Variants in USP24 observed in about 807,000 individuals in gnomAD.
USP24 encodes the protein ubiquitin specific peptidase 24, also known as ubiquitin carboxyl-terminal hydrolase 24.
Under a neutral mutation model 361.6 loss-of-function variants are expected in USP24, and 97 were observed. The ratio of observed to expected loss-of-function variants is 0.27; its 90% CI spans 0.23 to 0.32. USP24 has a LOEUF of 0.32. Ranked by LOEUF, USP24 falls within the 10% of genes least tolerant of loss-of-function variation. The pLI is 1.00. For synonymous variants in USP24, 1,098 were observed against 1,124.6 expected, an observed-to-expected ratio of 0.98 and a Z score of 0.47; for missense variants, 2,353 against 3,165.6, an observed-to-expected ratio of 0.74 and a Z score of 6.16.
intron 40 of USP24, 39 bp from the exon 41 acceptor site, chr1:55,106,302 A>G (rs1180204470): frequency 2.7e-6 from 4 of 1,484,338 alleles, no homozygotes; most frequent in African/African-American, 2.8e-5. Flanking sequence ...AGATGAACAC[A>G]TATTTTAATT....
chr1:55,144,741 C>T (rs1275668022), intron 20 of USP24, among the ~76,000 whole-genome samples: 1 of 152,118 alleles, frequency 6.6e-6, no homozygotes, highest in Non-Finnish European at 1.5e-5. Context: ...TTGAGACCAG[C>T]CTGGCCAACA....
chr1:55,106,473 A>C (rs1645776646), intron 40 of USP24, among the ~76,000 whole-genome samples: 1 of 152,208 alleles, frequency 6.6e-6, no homozygotes, highest in Non-Finnish European at 1.5e-5. Flanking sequence ...AAAGACAGGC[A>C]GGTGAGGGTG....
Position 55,092,854 on chromosome 1 carries a change from G to T in USP24, c.6417C>A (p.Phe2139Leu), listed in dbSNP as rs753127290. 1 of 1,599,678 alleles carries T rather than the reference G, an allele frequency of 6.3e-7. No homozygotes were observed. The highest frequency in any genetic ancestry group is 1.7e-5 in the Admixed American group (1 of 57,320). ...KNRDVYSSDY[F>L]SFVLSLASLN... ...ATGAAGCTAAAGACAAAACAAAACTGAAATAATCACTACTGTATACATCTC... is the reference window on the plus strand; with the variant it reads ...ATGAAGCTAAAGACAAAACAAAACTTAAATAATCACTACTGTATACATCTC... Residue 2139 changes from phenylalanine (F) to leucine (L), a missense_variant, in exon 53 of 68, where the codon TTC becomes TTA. By Grantham distance (22) the Phe-to-Leu change is conservative (BLOSUM62 0). Around this residue, in one of 8 missense-constraint regions of USP24, gnomAD observed 598 missense variants for 761.9 expected, o/e 0.78. Transcript: ENST00000294383.
At chr1:55,094,696 T>A (rs1165072344) in intron 51 of USP24, among the ~76,000 whole-genome samples, 13 of 108,974 alleles carry the variant, frequency 1.2e-4, no homozygotes, top group Non-Finnish European at 1.4e-4. Context: ...CTGCTAACAT[T>A]AAAAAAAAAA....
chr1:55,070,040 A>G (rs1184422150), intron 67 of USP24, among the ~76,000 whole-genome samples: 1 of 151,878 alleles, frequency 6.6e-6, no homozygotes, highest in Non-Finnish European at 1.5e-5. Context: ...AGGTGAGGGG[A>G]TCCTTACAGA....
intron 62 of USP24, 126 bp from the exon 63 acceptor site, chr1:55,075,649 A>G (rs1645010595): frequency 2.0e-6 from 1 of 500,524 alleles, no homozygotes; most frequent in Non-Finnish European, 3.3e-6. Flanking sequence ...CAACAACAAC[A>G]ACAACAACAA....
intron 61 of USP24, among the ~76,000 whole-genome samples, chr1:55,077,993 G>A (rs1645065592): frequency 1.3e-5 from 2 of 152,188 alleles, no homozygotes; most frequent in Admixed American, 1.3e-4. Flanking sequence ...ATATAGGTCT[G>A]TAGAGAAAAG....
Position 55,171,546 on chromosome 1 carries a change from T to C in USP24, c.825+10A>G, listed in dbSNP as rs1463898292. On this transcript the variant is annotated intron_variant, in intron 5 of 67. Transcript: ENST00000294383. ...TTTTCTATAAAAAGATGAAACTAAA[T>C]GATGTTTACCTTTTGGAAAGTCGAT... 6.2e-7 allele frequency: 1 copy of C among 1,602,264 alleles called. No individual in the cohort carries two copies. The highest frequency in any genetic ancestry group is 2.2e-5 in the East Asian group (1 of 44,522).
intron 60 of USP24, among the ~76,000 whole-genome samples, chr1:55,078,853 T>C (rs1384446557): frequency 1.3e-5 from 2 of 151,636 alleles, no homozygotes; most frequent in South Asian, 2.1e-4. Flanking sequence ...TTTGTGCAAA[T>C]GTGCACTTTT....
chr1:55,208,844 A>G (rs1253455261), intron 1 of USP24, among the ~76,000 whole-genome samples: 2 of 150,834 alleles, frequency 1.3e-5, no homozygotes, highest in Non-Finnish European at 3.0e-5. Context: ...GCTGAGGCAG[A>G]AGAATCGCTT....
chr1:55,181,937 G>C (rs1643980073), intron 1 of USP24, among the ~76,000 whole-genome samples: 1 of 152,218 alleles, frequency 6.6e-6, no homozygotes, highest in African/African-American at 2.4e-5. Flanking sequence ...AGAAGGGGAA[G>C]GGACATCAGA....
At chr1:55,210,335 G>A (rs993479722) in intron 1 of USP24, among the ~76,000 whole-genome samples, 3 of 152,012 alleles carry the variant, frequency 2.0e-5, no homozygotes, top group Non-Finnish European at 4.4e-5. Flanking sequence ...ACTTTCAACT[G>A]ATTTGGGAAA....
intron 42 of USP24, 68 bp from the exon 43 acceptor site, chr1:55,101,771 C>CCTG: frequency 6.8e-7 from 1 of 1,475,556 alleles, no homozygotes; most frequent in Non-Finnish European, 9.0e-7. Flanking sequence ...CACATTTACA[C>CCTG]TATAGCTATG....
intron 31 of USP24, among the ~76,000 whole-genome samples, chr1:55,131,565 A>AT (rs1347012176): frequency 2.0e-5 from 3 of 152,182 alleles, no homozygotes. Context: ...CACAGGAATG[A>AT]TTAAGGCAAA....
chr1:55,087,892 G>A (rs1189746634), intron 55 of USP24, among the ~76,000 whole-genome samples: 2 of 152,176 alleles, frequency 1.3e-5, no homozygotes, highest in Middle Eastern at 3.2e-3. Flanking sequence ...GAAGAGGGGA[G>A]GATGGTGTTC....
intron 32 of USP24, among the ~76,000 whole-genome samples, chr1:55,128,139 T>G (rs141142609): frequency 0.015 from 2,279 of 152,288 alleles, 18 homozygotes; most frequent in South Asian, 0.028. Context: ...GACTAATGAC[T>G]CACCATTTCC....
intron 1 of USP24, among the ~76,000 whole-genome samples, chr1:55,196,540 CCT>C (rs1481574106): frequency 1.3e-5 from 2 of 152,024 alleles, no homozygotes; most frequent in African/African-American, 4.8e-5. Flanking sequence ...TTATATTACC[CCT>C]GTTAAGAACA....
chr1:55,075,928 C>T (rs549862230), intron 62 of USP24, among the ~76,000 whole-genome samples: 1 of 152,220 alleles, frequency 6.6e-6, no homozygotes, highest in African/African-American at 2.4e-5. Flanking sequence ...ACGACTGTGG[C>T]TCCAGCCTGG....
At chr1:55,092,722 G>T in intron 53 of USP24, 99 bp downstream of exon 53, 2 of 881,172 alleles carry the variant, frequency 2.3e-6, no homozygotes, top group Middle Eastern at 2.3e-4. Context: ...TAACCTGAAT[G>T]CTAACTACTG....
Sources: allele counts gnomAD v4.1 joint callset (sites outside exome capture counted in the v4.1 genomes callset), GRCh38; gene constraint gnomAD v4.1.1; regional missense constraint gnomAD v4.1.1; transcripts MANE v1.5; gene names NCBI Gene and HGNC (gene_info 2026-07-23, HGNC 2026-07-21).